RBPJ: variants seen among roughly 807,000 people sequenced by gnomAD.
RBPJ encodes the protein recombining binding protein suppressor of hairless.
Under a neutral mutation model 67.8 loss-of-function variants are expected in RBPJ, and 9 were observed. The observed-to-expected ratio is 0.13, with a 90% CI of 0.08 to 0.23. The LOEUF (loss-of-function observed/expected upper bound fraction) is 0.23. Among genes scored for constraint, RBPJ ranks in the 10% least tolerant of loss-of-function variants. The pLI, the probability that RBPJ is intolerant of heterozygous loss-of-function variation, is 1.00. For synonymous variants in RBPJ, 198 were observed against 203.3 expected, an observed-to-expected ratio of 0.97 and a Z score of 0.22; for missense variants, 305 against 595.6, an observed-to-expected ratio of 0.51 and a Z score of 5.08.
At chr4:26,133,167 G>A in the RBPJ span, among the ~76,000 whole-genome samples, 1 of 152,246 alleles carries the variant, frequency 6.6e-6, no homozygotes, top group African/African-American at 2.4e-5. Flanking sequence ...CATAGCAATA[G>A]CCATCATCTG....
At chr4:26,363,392 C>A (rs1482072318) in intron 1 of RBPJ, among the ~76,000 whole-genome samples, 1 of 152,010 alleles carries the variant, frequency 6.6e-6, no homozygotes, top group Non-Finnish European at 1.5e-5. Flanking sequence ...CCTGCTTCGG[C>A]CTCCGAAAGT....
chr4:26,274,908 G>C (rs1452263018), intron 1 of RBPJ, among the ~76,000 whole-genome samples: 4 of 152,022 alleles, frequency 2.6e-5, no homozygotes, highest in African/African-American at 9.7e-5. Flanking sequence ...CATGATCCTA[G>C]CCTGGGTGAC....
intron 1 of RBPJ, among the ~76,000 whole-genome samples, chr4:26,303,665 TG>T (rs36073692): frequency 2.0e-5 from 3 of 151,874 alleles, no homozygotes; most frequent in African/African-American, 7.3e-5. Flanking sequence ...GCATCTAGGC[TG>T]GGCGTGGTGG....
chr4:26,213,889 A>C (rs13109026), intron 1 of RBPJ, among the ~76,000 whole-genome samples: 114,821 of 151,950 alleles, frequency 0.76, 43,489 homozygotes, highest in East Asian at 0.88. Context: ...ATGTGTTCTG[A>C]AAATAGATTC....
intron 1 of RBPJ, among the ~76,000 whole-genome samples, chr4:26,182,168 C>T (rs1717024175): frequency 6.6e-6 from 1 of 152,120 alleles, no homozygotes; most frequent in African/African-American, 2.4e-5. Context: ...CGGTGAAACC[C>T]CGTCTCTACT....
At chr4:26,322,130 G>T (rs1226129511) in intron 1 of RBPJ, 1 of 152,620 alleles carries the variant, frequency 6.6e-6, no homozygotes, top group African/African-American at 2.4e-5. Context: ...GTTCCTGACG[G>T]CGTAGGCCAA....
At chr4:26,152,961 CA>C in the RBPJ span, among the ~76,000 whole-genome samples, 1 of 151,334 alleles carries the variant, frequency 6.6e-6, no homozygotes, top group African/African-American at 2.5e-5. Flanking sequence ...GCTTGGGATC[CA>C]AAGTGTCTGG....
At chr4:26,319,986 G>C, upstream of RBPJ, 1 of 1,094,326 alleles carries the variant, frequency 9.1e-7, no homozygotes, top group Non-Finnish European at 1.3e-6. Context: ...GCCGCCTGAA[G>C]CGCGATTCGG....
chr4:26,234,468 G>T (rs1020657695), intron 1 of RBPJ, among the ~76,000 whole-genome samples: 17 of 151,950 alleles, frequency 1.1e-4, no homozygotes, highest in Admixed American at 2.0e-4. Flanking sequence ...AAAATTTGTG[G>T]CATACTCTTC....
At chr4:26,417,212 C>A (rs1175023082) in intron 4 of RBPJ, among the ~76,000 whole-genome samples, 1 of 152,182 alleles carries the variant, frequency 6.6e-6, no homozygotes, top group African/African-American at 2.4e-5. Context: ...TTTAATCCTA[C>A]TTCATTGCTC....
chr4:26,162,824 C>T (rs1191508343), upstream of RBPJ, among the ~76,000 whole-genome samples: 1 of 152,144 alleles, frequency 6.6e-6, no homozygotes, highest in African/African-American at 2.4e-5. Flanking sequence ...CTAGGCCCCC[C>T]ACTACAGATG....
Position 26,274,009 on chromosome 4 carries a change from C to T in RBPJ, c.-166-88437C>T, listed in dbSNP as rs555367469. ...TGCCTATGGGTCTTTGCTCAGATGT[C>T]ACCTTGTCAGAGAAGTCTTTCCCAA... On this transcript the variant is annotated intron_variant, in intron 1 of 4. Coordinates refer to the RBPJ transcript ENST00000512351. Among the ~76,000 whole-genome samples the T allele has an allele frequency of 1.4e-4, 21 of 152,296 alleles. No individual in the cohort carries two copies. In the South Asian group the frequency reaches 4.1e-3, roughly 30 times the overall value.
At chr4:26,397,411 G>A (rs73245781) in intron 2 of RBPJ, among the ~76,000 whole-genome samples, 7,592 of 152,162 alleles carry the variant, frequency 0.05, 278 homozygotes, top group Admixed American at 0.11. Flanking sequence ...AAGTTTTGAG[G>A]AAGAATTTTA....
upstream of RBPJ, among the ~76,000 whole-genome samples, chr4:26,314,974 G>A (rs553622793): frequency 4.6e-5 from 7 of 150,790 alleles, no homozygotes; most frequent in South Asian, 8.4e-4. Context: ...GTGAAACCCC[G>A]TCTCCACTAA....
At chr4:26,142,885 G>T in the RBPJ span, among the ~76,000 whole-genome samples, 1 of 152,148 alleles carries the variant, frequency 6.6e-6, no homozygotes, top group Non-Finnish European at 1.5e-5. Flanking sequence ...AGGTTCAAGG[G>T]ATTCTCCTGC....
At chr4:26,385,312 C>T (rs568408598) in intron 1 of RBPJ, among the ~76,000 whole-genome samples, 45 of 152,006 alleles carry the variant, frequency 3.0e-4, no homozygotes, top group African/African-American at 4.6e-4. Context: ...TGAGCCACTG[C>T]GCCCAGCCTT....
intron 1 of RBPJ, among the ~76,000 whole-genome samples, chr4:26,334,375 T>C (rs909736089): frequency 5.9e-5 from 9 of 151,570 alleles, no homozygotes; most frequent in Non-Finnish European, 7.4e-5. Context: ...TTTTTTTTTT[T>C]CTAATATTCC....
intron 1 of RBPJ, among the ~76,000 whole-genome samples, chr4:26,252,196 T>C (rs538579360): frequency 1.2e-4 from 19 of 152,272 alleles, no homozygotes; most frequent in African/African-American, 4.6e-4. Context: ...GTACATTTTG[T>C]ACCCATTAAG....
chr4:26,136,213 G>A, the RBPJ span, among the ~76,000 whole-genome samples: 1 of 152,128 alleles, frequency 6.6e-6, no homozygotes, highest in East Asian at 1.9e-4. Flanking sequence ...GGTGAGATTT[G>A]GGTGGGGACA....
Sources: gnomAD v4.1 joint callset for allele counts (sites outside exome capture counted in the v4.1 genomes callset) on GRCh38, gnomAD v4.1.1 for gene constraint, MANE v1.5 for transcripts, NCBI Gene and HGNC (gene_info 2026-07-23, HGNC 2026-07-21) for gene names.